AP3D1: variants seen among roughly 807,000 people sequenced by gnomAD.
The protein encoded by AP3D1 is AP-3 complex subunit delta-1.
A neutral mutation model predicts 147.6 loss-of-function variants in AP3D1; 51 were observed. The observed-to-expected ratio is 0.35, with a 90% CI of 0.28 to 0.44. The LOEUF is 0.44. AP3D1 is among the 20% of genes least tolerant of loss of function. The pLI is 1.00. For missense variants in AP3D1, 1,421 were observed against 1,624.2 expected, an observed-to-expected ratio of 0.87 and a Z score of 2.15; for synonymous variants, 760 against 663.0, an observed-to-expected ratio of 1.15 and a Z score of -2.25.
At chr19:2,115,700 C>T in intron 18 of AP3D1, 87 bp from the exon 19 acceptor site, 1 of 1,376,934 alleles carries the variant, frequency 7.3e-7, no homozygotes, top group Non-Finnish European at 9.9e-7. Flanking sequence ...GAGCGTGACG[C>T]AGCCCCAACA....
chr19:2,132,843 G>A (rs916458916), intron 4 of AP3D1, among the ~76,000 whole-genome samples: 4 of 152,208 alleles, frequency 2.6e-5, no homozygotes, highest in Non-Finnish European at 5.9e-5. Flanking sequence ...AGTGAGGTCT[G>A]AGGCACAGGC....
At chr19:2,116,803 G>C (rs991490211) in intron 16 of AP3D1, 57 bp from the exon 17 acceptor site, 1 of 1,530,590 alleles carries the variant, frequency 6.5e-7, no homozygotes, top group African/African-American at 1.4e-5. Context: ...GCGCCTGCAG[G>C]CGTCCGCCCT....
At chr19:2,104,422 C>T (rs995224269) in intron 31 of AP3D1, among the ~76,000 whole-genome samples, 3 of 149,494 alleles carry the variant, frequency 2.0e-5, no homozygotes, top group Non-Finnish European at 1.5e-5. Flanking sequence ...ACCCCAATGC[C>T]GAGGCACCAA....
At chr19:2,111,542 G>C (rs1266236846) in intron 25 of AP3D1, 137 bp downstream of exon 25, 13 of 1,298,408 alleles carry the variant, frequency 1.0e-5, no homozygotes, top group Non-Finnish European at 1.4e-5. Context: ...GCCAGGGCCA[G>C]TCCCCTGCCC....
In AP3D1 at chr19:2,127,080, C is replaced by T. The variant is rs1599468962; in HGVS notation, c.856+72G>A. ...CGCTCGGAGACACCAGGCCTGGCGCCCTCCTGTCCCCACCTGAGACCCCAG... is the reference window on the plus strand; with the variant it reads ...CGCTCGGAGACACCAGGCCTGGCGCTCTCCTGTCCCCACCTGAGACCCCAG... On this transcript the variant is annotated intron_variant, in intron 9 of 31. Coordinates refer to ENST00000643116, the MANE Select transcript of AP3D1 (RefSeq NM_001261826.3). 2.0e-6 allele frequency: 3 copies of T among 1,536,378 alleles called. No homozygotes were observed. In the South Asian group the frequency reaches 3.4e-5, roughly 17 times the overall value.
intron 8 of AP3D1, among the ~76,000 whole-genome samples, chr19:2,128,453 C>T (rs1003947490): frequency 3.1e-5 from 4 of 128,040 alleles, no homozygotes; most frequent in African/African-American, 6.5e-5. Flanking sequence ...CACTGCACCC[C>T]GTGGAGCCGG....
rs751708491 is a variant in AP3D1 at position 2,111,781 on chromosome 19, C to G, written c.2835G>C (p.Glu945Asp). 1.2e-6 allele frequency: 2 copies of G among 1,613,746 alleles called. No individual in the cohort carries two copies. Among genetic ancestry groups the G allele is most frequent in the Non-Finnish European group, 1.7e-6 (2 of 1,179,858 alleles). ...TGGACTTCTTCTTGCCTTTGGTCCG[C>G]TCCTCCTTCTCCTTCCTGTGCTTCT... ...KKKKHRKEKE[E>D]RTKGKKKSKK... The change falls in exon 25 of 32, where the codon GAG (glutamate) becomes GAC (aspartate). Residue 945 changes from glutamate (E) to aspartate (D), a missense_variant. Glu to Asp is a conservative substitution (Grantham distance 45). This residue lies in a region of AP3D1 where 791 missense variants were observed against 761.4 expected (regional missense o/e 1.04). Transcript: ENST00000643116.
At chr19:2,164,376 A>C in exon 1 of AP3D1, 1 of 690,658 alleles carries the variant, frequency 1.4e-6, no homozygotes, top group African/African-American at 1.9e-5. Context: ...TGCGGAACGG[A>C]GACCCTGGAC....
rs1029587004 is a variant in AP3D1, at chr19:2,115,069, C to G, written c.2349+150G>C. On this transcript the variant is annotated intron_variant, in intron 20 of 31. Coordinates refer to ENST00000643116, the MANE Select transcript of AP3D1 (RefSeq NM_001261826.3). ...GTGCGTCGGGACGCGTGCTCGAGGA[C>G]AGAGAGGCCTCTCCTCCTATGCTCT... is the stretch of plus-strand genomic sequence containing the variant. The G allele has an allele frequency of 1.1e-5, 10 of 889,302 alleles. No homozygotes were observed. In the Admixed American group the frequency reaches 2.4e-4, roughly 21 times the overall value. 55.1% of individuals were successfully genotyped at this position (889,302 alleles called of 1,614,324 possible).
intron 20 of AP3D1, 139 bp from the exon 21 acceptor site, chr19:2,114,960 G>A (rs2018398477): frequency 5.1e-6 from 5 of 987,980 alleles, no homozygotes; most frequent in South Asian, 2.9e-5. Flanking sequence ...CAGAGGCTCC[G>A]CTCAGCGTCT....
intron 21 of AP3D1, 97 bp from the exon 22 acceptor site, chr19:2,114,399 C>T (rs2018380685): frequency 1.9e-6 from 2 of 1,034,762 alleles, no homozygotes; most frequent in Admixed American, 2.3e-5. Context: ...AGTGCGGGAC[C>T]TGCTCCTCCA....
intron 15 of AP3D1, among the ~76,000 whole-genome samples, 197 bp from the exon 16 acceptor site, chr19:2,117,564 C>T (rs1432226094): frequency 6.6e-6 from 1 of 152,248 alleles, no homozygotes; most frequent in East Asian, 1.9e-4. Flanking sequence ...ACAGACCAGT[C>T]CGGAAACAGA....
At chr19:2,143,230 ATTTTTTTTTTTTTTTT>A (rs776434810) in intron 1 of AP3D1, among the ~76,000 whole-genome samples, 4 of 74,310 alleles carry the variant, frequency 5.4e-5, no homozygotes, top group African/African-American at 2.3e-4. Flanking sequence ...TGCCTGCCTA[ATTTTTTTTTTTTTTTT>A]TTTTTTTTTT....
At chr19:2,109,807 G>T in intron 29 of AP3D1, 66 bp downstream of exon 29, 2 of 1,459,278 alleles carry the variant, frequency 1.4e-6, no homozygotes, top group South Asian at 1.1e-5. Context: ...CGGGGCACAG[G>T]TGTCTGCAAG....
chr19:2,133,650 C>T (rs2019005959), intron 4 of AP3D1, among the ~76,000 whole-genome samples: 1 of 152,066 alleles, frequency 6.6e-6, no homozygotes, highest in Admixed American at 6.5e-5. Context: ...ATTACAGGTG[C>T]GTGTCACCAC....
chr19:2,105,518 C>A (rs533767525), intron 31 of AP3D1, among the ~76,000 whole-genome samples: 3 of 152,188 alleles, frequency 2.0e-5, no homozygotes, highest in African/African-American at 7.2e-5. Context: ...ATTCGTTTCC[C>A]GTAGGGGATA....
chr19:2,116,808 C>T (rs1191418585), intron 16 of AP3D1, 62 bp from the exon 17 acceptor site: 17 of 1,514,812 alleles, frequency 1.1e-5, no homozygotes, highest in East Asian at 4.7e-5. Context: ...TGCAGGCGTC[C>T]GCCCTGAGCA....
intron 1 of AP3D1, among the ~76,000 whole-genome samples, chr19:2,150,927 G>A (rs1352656667): frequency 1.3e-5 from 2 of 152,346 alleles, no homozygotes; most frequent in African/African-American, 2.4e-5. Context: ...GAGGGTCCAG[G>A]GGGAGGGCAC....
intron 1 of AP3D1, among the ~76,000 whole-genome samples, chr19:2,156,589 G>A (rs933403092): frequency 4.7e-5 from 7 of 149,348 alleles, no homozygotes; most frequent in African/African-American, 1.2e-4. Flanking sequence ...GGTGGCTCAC[G>A]CCTGTAATCC....
Sources: gnomAD v4.1 joint callset for allele counts (sites outside exome capture counted in the v4.1 genomes callset) on GRCh38, gnomAD v4.1.1 for gene constraint, gnomAD v4.1.1 regional missense constraint, MANE v1.5 for transcripts, NCBI Gene and HGNC (gene_info 2026-07-23, HGNC 2026-07-21) for gene names.